The following ADARB2 variants were observed in gnomAD, a reference collection of about 807,000 sequenced individuals.
ADARB2 encodes the protein adenosine deaminase RNA specific B2 (inactive).
In ADARB2, 25 loss-of-function variants were observed where a neutral mutation model predicts 62.2. The ratio of observed to expected loss-of-function variants is 0.40; its 90% CI spans 0.29 to 0.56. ADARB2 has a LOEUF of 0.56. ADARB2 is among the 20% of genes least tolerant of loss of function. The pLI is 0.43. For missense variants in ADARB2, 1,071 were observed against 1,077.4 expected, an observed-to-expected ratio of 0.99 and a Z score of 0.08; for synonymous variants, 572 against 500.8, an observed-to-expected ratio of 1.14 and a Z score of -1.90.
chr10:1,631,009 GA>G (rs1284463494), intron 1 of ADARB2, among the ~76,000 whole-genome samples: 2 of 151,396 alleles, frequency 1.3e-5, no homozygotes, highest in African/African-American at 2.4e-5. Flanking sequence ...ATGAAAGAAA[GA>G]AAAAAAGAAA....
intron 3 of ADARB2, among the ~76,000 whole-genome samples, chr10:1,282,341 C>T (rs1333886158): frequency 1.3e-5 from 2 of 152,218 alleles, no homozygotes; most frequent in African/African-American, 4.8e-5. Context: ...CCTTCCATTT[C>T]CCCAGTGAAG....
intron 1 of ADARB2, among the ~76,000 whole-genome samples, chr10:1,525,358 C>T (rs1832127335): frequency 1.3e-5 from 2 of 152,188 alleles, no homozygotes; most frequent in African/African-American, 4.8e-5. Flanking sequence ...ATTTCATCTG[C>T]GGGAGTGGAT....
At chr10:1,559,750 A>G (rs916265673) in intron 1 of ADARB2, among the ~76,000 whole-genome samples, 3 of 152,330 alleles carry the variant, frequency 2.0e-5, no homozygotes, top group Admixed American at 2.0e-4. Flanking sequence ...AAGAAATTTC[A>G]TAGGGTTTTC....
intron 1 of ADARB2, among the ~76,000 whole-genome samples, chr10:1,410,838 CTG>C (rs541299749): frequency 7.5e-4 from 115 of 152,332 alleles, no homozygotes; most frequent in Admixed American, 1.7e-3. Flanking sequence ...CTTGAGACGT[CTG>C]TGAGTGCCGC....
At chr10:1,596,924 A>G (rs1187817756) in intron 1 of ADARB2, among the ~76,000 whole-genome samples, 1 of 152,162 alleles carries the variant, frequency 6.6e-6, no homozygotes, top group African/African-American at 2.4e-5. Context: ...CTTCTTGGGC[A>G]AAAGGGAATG....
intron 1 of ADARB2, among the ~76,000 whole-genome samples, chr10:1,466,095 C>T (rs1831252039): frequency 6.6e-6 from 1 of 152,256 alleles, no homozygotes; most frequent in Admixed American, 6.5e-5. Flanking sequence ...GGCAAGACCT[C>T]CCGTCCATCG....
intron 1 of ADARB2, among the ~76,000 whole-genome samples, chr10:1,708,217 G>T (rs943149932): frequency 6.6e-6 from 1 of 152,098 alleles, no homozygotes; most frequent in Non-Finnish European, 1.5e-5. Flanking sequence ...CAAAGTGGAA[G>T]ATTATAGGAA....
At chr10:1,482,054 C>T (rs1831480099) in intron 1 of ADARB2, among the ~76,000 whole-genome samples, 1 of 152,074 alleles carries the variant, frequency 6.6e-6, no homozygotes, top group Non-Finnish European at 1.5e-5. Flanking sequence ...CCACTTCATA[C>T]CCATGAGGAT....
At chr10:1,199,023 G>A (rs1321213662) in intron 8 of ADARB2, among the ~76,000 whole-genome samples, 4 of 152,228 alleles carry the variant, frequency 2.6e-5, no homozygotes, top group Admixed American at 2.6e-4. Flanking sequence ...AAGAGTGCAG[G>A]AGCCACTTGG....
chr10:1,345,039 C>T (rs557748840), intron 3 of ADARB2, among the ~76,000 whole-genome samples: 152 of 152,254 alleles, frequency 1.0e-3, no homozygotes, highest in African/African-American at 3.2e-3. Context: ...TGGAGGAAAC[C>T]GCCGCAGCCT....
At chr10:1,396,679 C>T (rs1832617752) in intron 1 of ADARB2, among the ~76,000 whole-genome samples, 1 of 146,984 alleles carries the variant, frequency 6.8e-6, no homozygotes, top group Non-Finnish European at 1.5e-5. Context: ...GTGCAGGCTT[C>T]CTGGGTCACC....
intron 1 of ADARB2, among the ~76,000 whole-genome samples, chr10:1,544,956 T>TATATACACACACACACACACACAC (rs10526252): frequency 9.7e-5 from 13 of 133,932 alleles, no homozygotes; most frequent in African/African-American, 3.0e-4. Flanking sequence ...TAGCAAAGTA[T>TATATACACACACACACACACACAC]ACACACACAC....
Position 1,476,334 on chromosome 10 carries a change from G to A in ADARB2, c.101-97174C>T, listed in dbSNP as rs187434311. 1.1e-3 allele frequency among the ~76,000 whole-genome samples: 163 copies of A among 152,312 alleles called. 1 individual carries two copies. The highest frequency in any genetic ancestry group is 3.8e-3 in the African/African-American group (157 of 41,568). On this transcript the variant is annotated intron_variant, in intron 1 of 9. Transcript: ENST00000381312. ...CTGCAGGTCTCTGGCAAGGGCCCTT[G>A]GCAGGGAGAAGCCCCAGGCCCTGCA...
chr10:1,540,402 T>C (rs1417278914), intron 1 of ADARB2, among the ~76,000 whole-genome samples: 1 of 132,068 alleles, frequency 7.6e-6, no homozygotes, highest in Non-Finnish European at 1.7e-5. Context: ...CACGTGAGTC[T>C]CACCTGCGGC....
chr10:1,260,435 A>G lies in ADARB2; in HGVS notation c.1192+10520T>C, dbSNP rs539503637. 1.9e-4 allele frequency among the ~76,000 whole-genome samples: 28 copies of G among 151,270 alleles called. No homozygotes were observed. The South Asian group carries it at 4.6e-3, about 25-fold the overall frequency. On this transcript the variant is annotated intron_variant, in intron 4 of 9. Coordinates refer to ENST00000381312, the MANE Select transcript of ADARB2 (RefSeq NM_018702.4). Reference sequence around the variant, plus strand: ...CTCAGCCCAAAATCTCCTTAAGCTGATAAGCAACTTCAGCAAAGTCTCAGG... The same window carrying G: ...CTCAGCCCAAAATCTCCTTAAGCTGGTAAGCAACTTCAGCAAAGTCTCAGG...
At chr10:1,392,381 T>G (rs1328967151) in intron 1 of ADARB2, among the ~76,000 whole-genome samples, 1 of 152,188 alleles carries the variant, frequency 6.6e-6, no homozygotes, top group African/African-American at 2.4e-5. Flanking sequence ...CAAAACACGC[T>G]CTGACAGATG....
intron 1 of ADARB2, among the ~76,000 whole-genome samples, chr10:1,482,036 A>G (rs1356742543): frequency 6.6e-6 from 1 of 152,218 alleles, no homozygotes; most frequent in Non-Finnish European, 1.5e-5. Context: ...AATCAAAACC[A>G]TGAGAGACCA....
intron 1 of ADARB2, among the ~76,000 whole-genome samples, chr10:1,641,256 T>C (rs1833975029): frequency 6.6e-6 from 1 of 152,218 alleles, no homozygotes; most frequent in African/African-American, 2.4e-5. Context: ...ATGGATTAGC[T>C]CCAAAAGGGT....
In ADARB2 at chr10:1,301,867, C is replaced by T. The variant is rs189954658; in HGVS notation, c.1078-30798G>A. On this transcript the variant is annotated intron_variant, in intron 3 of 9. Coordinates refer to ENST00000381312, the MANE Select transcript of ADARB2 (RefSeq NM_018702.4). ...CCTGTACCTGCTGCCTCCACACATG[C>T]ACCTGCTCCTCTATTATCAAAGTCC... is the stretch of plus-strand genomic sequence containing the variant. Among the ~76,000 whole-genome samples, 225 of 152,334 alleles carry T rather than the reference C, an allele frequency of 1.5e-3. 1 individual carries two copies. In the Middle Eastern group the frequency reaches 0.027, roughly 18 times the overall value.
Sources: allele counts gnomAD v4.1 joint callset (sites outside exome capture counted in the v4.1 genomes callset), GRCh38; gene constraint gnomAD v4.1.1; transcripts MANE v1.5; gene names NCBI Gene and HGNC (gene_info 2026-07-23, HGNC 2026-07-21).